CUX2: variants seen among roughly 807,000 people sequenced by gnomAD.
CUX2 encodes cut like homeobox 2.
CUX2 carries 40 observed loss-of-function variants against 144.8 expected under a neutral mutation model. The ratio of observed to expected loss-of-function variants is 0.28; its 90% confidence interval spans 0.21 to 0.36. The LOEUF is 0.36. Ranked by LOEUF, CUX2 falls within the 10% of genes least tolerant of loss-of-function variation. The probability of loss-of-function intolerance (pLI) is 1.00; values close to 1 mark genes in which losing one functional copy is unlikely to be tolerated. For synonymous variants in CUX2, 827 were observed against 875.6 expected (o/e 0.94, Z 0.98); for missense variants, 1,615 against 1,994.0 (o/e 0.81, Z 3.62).
At chr12:111,050,169 C>T (rs933567728) in intron 1 of CUX2, among the ~76,000 whole-genome samples, 3 of 151,982 alleles carry the variant, frequency 2.0e-5, no homozygotes, top group Non-Finnish European at 2.9e-5. Flanking sequence ...CCACAGAGCC[C>T]CCTCTTGGCC....
In CUX2 at chr12:111,307,271, T is replaced by C; in HGVS notation, c.1109+14T>C. On this transcript the variant is annotated intron_variant, in intron 12 of 21. Coordinates refer to ENST00000261726, the MANE Select transcript of CUX2 (RefSeq NM_015267.4). This position sits in a 1 kb window ranked among gnomAD's most constrained non-coding sequence, Gnocchi z 4.1. ...AACGGAGCTGAGGTACCATGTGGGGTGGGGCTCCACAGACCCTCAGTGCTC... is the reference window on the plus strand; with the variant it reads ...AACGGAGCTGAGGTACCATGTGGGGCGGGGCTCCACAGACCCTCAGTGCTC... 1 of 1,611,770 alleles carries C rather than the reference T, an allele frequency of 6.2e-7. No homozygotes were observed. Among genetic ancestry groups the C allele is most frequent in the Non-Finnish European group, 8.5e-7 (1 of 1,178,174 alleles).
intron 1 of CUX2, among the ~76,000 whole-genome samples, chr12:111,048,367 G>A (rs1035218209): frequency 1.3e-5 from 2 of 152,196 alleles, no homozygotes; most frequent in Admixed American, 6.5e-5. Flanking sequence ...GCACGCAAAC[G>A]TTTCGAGGAC....
intron 18 of CUX2, among the ~76,000 whole-genome samples, chr12:111,324,438 A>C (rs1220224827): frequency 6.6e-6 from 1 of 151,772 alleles, no homozygotes; most frequent in African/African-American, 2.4e-5. Context: ...GGAGGGGGCC[A>C]GGAAGAGGCA....
At chr12:111,192,286 C>T (rs1879939089) in intron 1 of CUX2, among the ~76,000 whole-genome samples, 1 of 151,888 alleles carries the variant, frequency 6.6e-6, no homozygotes, top group African/African-American at 2.4e-5. Flanking sequence ...ACCACCGACG[C>T]CCAGCTGATT....
intron 1 of CUX2, among the ~76,000 whole-genome samples, chr12:111,162,063 G>A (rs1263566017): frequency 6.6e-6 from 1 of 152,178 alleles, no homozygotes; most frequent in Non-Finnish European, 1.5e-5. Context: ...AGTCACTTCA[G>A]CAGGGGCGTT....
intron 1 of CUX2, among the ~76,000 whole-genome samples, chr12:111,123,360 T>C: frequency 6.6e-6 from 1 of 152,072 alleles, no homozygotes; most frequent in East Asian, 1.9e-4. Context: ...TTTTTTGTAT[T>C]TTTAGTAGAG....
At position 111,320,397 on chromosome 12, in the gene CUX2, C is replaced by T. The variant is rs377379460; in HGVS notation, c.2388C>T (p.Leu796=). Residue 796 remains leucine, a synonymous_variant, in exon 17 of 22, where the codon CTC becomes CTT. Coordinates refer to ENST00000261726, the MANE Select transcript of CUX2 (RefSeq NM_015267.4). This position sits in a 1 kb window ranked among gnomAD's most constrained non-coding sequence, Gnocchi z 8.1. ...ACTGGGCCTCCGACCGCGGCCTGCT[C>T]AGCCGCCCCTACGCCTCCGTGTCGC... is the stretch of plus-strand genomic sequence containing the variant. ...DHHWASDRGL[L]SRPYASVSPS... is the part of the protein sequence containing the mutation. 8 of 1,597,840 alleles carry T rather than the reference C, an allele frequency of 5.0e-6. No homozygotes were observed. In the South Asian group the frequency reaches 8.8e-5, roughly 18 times the overall value.
intron 4 of CUX2, among the ~76,000 whole-genome samples, chr12:111,279,126 A>G (rs1165555610): frequency 6.6e-6 from 1 of 152,226 alleles, no homozygotes; most frequent in African/African-American, 2.4e-5. Context: ...AGAGCAGCCA[A>G]CTGAACCCAC....
intron 18 of CUX2, among the ~76,000 whole-genome samples, chr12:111,328,759 T>C (rs112758384): frequency 4.0e-5 from 6 of 151,884 alleles, no homozygotes; most frequent in East Asian, 1.9e-4. Flanking sequence ...AACTAATTTT[T>C]TGTATTTTTA....
intron 1 of CUX2, among the ~76,000 whole-genome samples, chr12:111,078,061 T>C (rs997230409): frequency 6.6e-5 from 10 of 152,168 alleles, no homozygotes; most frequent in African/African-American, 2.4e-4. Context: ...TTCAAAACAA[T>C]GATATAGAAA....
chr12:111,183,143 TTA>T (rs1879295551), intron 1 of CUX2, among the ~76,000 whole-genome samples: 1 of 152,194 alleles, frequency 6.6e-6, no homozygotes, highest in Non-Finnish European at 1.5e-5. Flanking sequence ...TTTCTGAAGT[TTA>T]TGTGCTTCAC....
At chr12:111,076,175 T>C (rs1266172453) in intron 1 of CUX2, among the ~76,000 whole-genome samples, 4 of 152,196 alleles carry the variant, frequency 2.6e-5, no homozygotes, top group Admixed American at 6.5e-5. Context: ...CAAGTCAGCA[T>C]CATCATTTTT....
intron 1 of CUX2, among the ~76,000 whole-genome samples, chr12:111,153,099 G>A (rs1877150991): frequency 6.6e-6 from 1 of 152,172 alleles, no homozygotes; most frequent in African/African-American, 2.4e-5. Flanking sequence ...CGAGGTTCAG[G>A]GATATTCTCA....
rs118075157 is a variant in CUX2 at position 111,285,858 on chromosome 12, G to A, written c.302-5560G>A. Among the ~76,000 whole-genome samples, 9 of 152,348 alleles carry A rather than the reference G, an allele frequency of 5.9e-5. No individual in the cohort carries two copies. In the East Asian group the frequency reaches 1.7e-3, roughly 29 times the overall value. On this transcript the variant is annotated intron_variant, in intron 4 of 21. Coordinates refer to ENST00000261726, the MANE Select transcript of CUX2 (RefSeq NM_015267.4). Reference sequence around the variant, plus strand: ...ATGTCACCGCCACCTTCTCCCTCAAGTTGGGGAATCCGGGGCAGCACAGTG... The same window carrying A: ...ATGTCACCGCCACCTTCTCCCTCAAATTGGGGAATCCGGGGCAGCACAGTG...
At chr12:111,182,479 A>G (rs957601440) in intron 1 of CUX2, among the ~76,000 whole-genome samples, 3 of 152,158 alleles carry the variant, frequency 2.0e-5, no homozygotes, top group African/African-American at 7.2e-5. Flanking sequence ...ATTAGCCCCC[A>G]CGTCCTTGAC....
At chr12:111,119,883 C>T (rs1874532363) in intron 1 of CUX2, among the ~76,000 whole-genome samples, 1 of 152,162 alleles carries the variant, frequency 6.6e-6, no homozygotes, top group African/African-American at 2.4e-5. Flanking sequence ...CATGGCAAAA[C>T]CCTGTCTCTA....
intron 1 of CUX2, among the ~76,000 whole-genome samples, chr12:111,206,839 A>T (rs1880946991): frequency 6.6e-6 from 1 of 152,232 alleles, no homozygotes; most frequent in Non-Finnish European, 1.5e-5. Context: ...ATGGTTGGTT[A>T]GGTGGGTAGA....
intron 1 of CUX2, among the ~76,000 whole-genome samples, chr12:111,167,298 A>T (rs1434464992): frequency 1.3e-5 from 2 of 151,946 alleles, no homozygotes; most frequent in African/African-American, 4.8e-5. Context: ...TTCCATCGAG[A>T]TAAAGTTCAC....
intron 1 of CUX2, among the ~76,000 whole-genome samples, chr12:111,189,127 C>A (rs1291424196): frequency 6.6e-6 from 1 of 152,036 alleles, no homozygotes; most frequent in Non-Finnish European, 1.5e-5. Flanking sequence ...AAAAAATTAG[C>A]CAAGTGTGGT....
Sources: gnomAD v4.1 joint callset for allele counts (sites outside exome capture counted in the v4.1 genomes callset) on GRCh38, gnomAD v4.1.1 for gene constraint, Gnocchi (gnomAD v3.1) non-coding constraint, MANE v1.5 for transcripts, NCBI Gene and HGNC (gene_info 2026-07-23, HGNC 2026-07-21) for gene names.